Variants in ZNF93 observed in about 807,000 individuals in gnomAD.
ZNF93 encodes the protein zinc finger protein 93.
In ZNF93, 29 loss-of-function variants were observed where a neutral mutation model predicts 45.0. The observed-to-expected ratio is 0.64, with a 90% CI of 0.48 to 0.88. The LOEUF is 0.88. Ranked by LOEUF, ZNF93 falls within the 40% of genes least tolerant of loss-of-function variation. ZNF93 has a pLI of 0.00. For missense variants in ZNF93, 578 were observed against 724.0 expected, an observed-to-expected ratio of 0.80 and a Z score of 2.31; for synonymous variants, 223 against 244.6, an observed-to-expected ratio of 0.91 and a Z score of 0.82.
Position 19,934,033 on chromosome 19 carries a change from G to T in ZNF93, c.1078G>T (p.Glu360Ter), listed in dbSNP as rs2063384014. 6.2e-7 allele frequency: 1 copy of T among 1,612,068 alleles called. No homozygotes were observed. Among genetic ancestry groups the T allele is most frequent in the Non-Finnish European group, 8.5e-7 (1 of 1,179,406 alleles). The change falls in exon 4 of 4, where the codon GAG (glutamate) becomes TAG (stop). Residue 360 changes from glutamate (E) to a stop codon, truncating the protein, a stop_gained. Transcript: ENST00000343769. LOFTEE classifies it high-confidence loss of function. ...TGCATCCTCAACCCTTAGTAGACATGAGTTCATTCATATGGGAAAGAAACA... is the reference window on the plus strand; with the variant it reads ...TGCATCCTCAACCCTTAGTAGACATTAGTTCATTCATATGGGAAAGAAACA... Reference protein sequence around the residue: ...FIASSTLSRHEFIHMGKKHYK... With the variant: ...FIASSTLSRH
At chr19:19,926,404 T>C (rs1023507493) in intron 3 of ZNF93, among the ~76,000 whole-genome samples, 6 of 147,462 alleles carry the variant, frequency 4.1e-5, no homozygotes, top group Non-Finnish European at 7.5e-5. Flanking sequence ...TTGTGATACA[T>C]CAATGTTGCA....
chr19:19,935,184 CT>C lies in ZNF93; in HGVS notation c.*367del, dbSNP rs1254602162. 7 of 221,920 alleles carry C rather than the reference CT, an allele frequency of 3.2e-5. No homozygotes were observed. Among genetic ancestry groups the C allele is most frequent in the African/African-American group, 6.9e-5 (3 of 43,356 alleles). 13.7% of individuals were successfully genotyped at this position (221,920 alleles called of 1,614,324 possible). Reference sequence around the variant, plus strand: ...CAAGGCCCACCATATGCAGACCTGACTGCCAAAACATGCCCTAGTGTCTGCC... The same window carrying C: ...CAAGGCCCACCATATGCAGACCTGACGCCAAAACATGCCCTAGTGTCTGCC... On this transcript the variant is annotated 3_prime_UTR_variant, in exon 4 of 4. Transcript: ENST00000343769.
rs76391144 is a variant in ZNF93 at position 19,912,324 on chromosome 19, C to T, written c.4-2956C>T. On this transcript the variant is annotated intron_variant, in intron 1 of 3. Transcript: ENST00000343769. ...ACCCTGCCCCAGACGTGTTCAGATT[C>T]ATCCTTTTTGGAGACCTTAGTTAGG... 1.1e-4 allele frequency among the ~76,000 whole-genome samples: 17 copies of T among 152,252 alleles called. No homozygotes were observed. In the East Asian group the frequency reaches 2.7e-3, roughly 24 times the overall value.
At chr19:19,911,181 G>A (rs1428398182) in intron 1 of ZNF93, among the ~76,000 whole-genome samples, 1 of 152,160 alleles carries the variant, frequency 6.6e-6, no homozygotes, top group Admixed American at 6.5e-5. Flanking sequence ...CCAGGTTCTG[G>A]AGCTCCACCA....
At chr19:19,905,214 T>C (rs1008989739) in intron 1 of ZNF93, among the ~76,000 whole-genome samples, 2 of 152,134 alleles carry the variant, frequency 1.3e-5, no homozygotes, top group East Asian at 3.9e-4. Flanking sequence ...TTTTTTTTTT[T>C]CTTTTAGCTT....
chr19:19,931,434 G>A (rs546789281), intron 3 of ZNF93, among the ~76,000 whole-genome samples: 4 of 152,074 alleles, frequency 2.6e-5, no homozygotes, highest in African/African-American at 9.6e-5. Flanking sequence ...CAGGTGATCT[G>A]CCTGCCTCAG....
intron 3 of ZNF93, chr19:19,932,432 A>T (rs1343890305): frequency 6.6e-6 from 1 of 152,202 alleles, no homozygotes; most frequent in Non-Finnish European, 1.5e-5. Flanking sequence ...TAACTGCTTT[A>T]TATATCTCAT....
Position 19,915,304 on chromosome 19 carries a change from G to A in ZNF93, c.28G>A (p.Ala10Thr). 4 of 1,613,972 alleles carry A rather than the reference G, an allele frequency of 2.5e-6. No homozygotes were observed. The highest frequency in any genetic ancestry group is 3.4e-6 in the Non-Finnish European group (4 of 1,179,934). The change falls in exon 2 of 4, where the codon GCC (alanine) becomes ACC (threonine). Residue 10 changes from alanine to threonine, a missense_variant. Physicochemically the swap from Ala to Thr is moderately conservative, Grantham distance 58 (BLOSUM62 0). Around this residue, in one of 3 missense-constraint regions of ZNF93, gnomAD observed 446 missense variants for 547.6 expected, o/e 0.81. Transcript: ENST00000343769. The part of the protein sequence containing the change: MGPLQFRDV[A>T]IEFSLEEWHC... Reference sequence around the variant, plus strand: ...GGGACCATTGCAATTTAGAGATGTGGCCATAGAATTCTCTCTGGAGGAGTG... The same window carrying A: ...GGGACCATTGCAATTTAGAGATGTGACCATAGAATTCTCTCTGGAGGAGTG...
At chr19:19,917,519 T>C (rs754450577) in intron 3 of ZNF93, among the ~76,000 whole-genome samples, 4 of 152,204 alleles carry the variant, frequency 2.6e-5, no homozygotes, top group Non-Finnish European at 5.9e-5. Flanking sequence ...ACCATTCATA[T>C]ACTTGTGTGT....
intron 3 of ZNF93, among the ~76,000 whole-genome samples, chr19:19,918,124 C>T (rs546612859): frequency 1.3e-5 from 2 of 151,860 alleles, no homozygotes; most frequent in South Asian, 4.2e-4. Flanking sequence ...CAACAGGCCC[C>T]AGTGTGTGAT....
At chr19:19,911,120 G>A (rs903168938) in intron 1 of ZNF93, among the ~76,000 whole-genome samples, 13 of 152,190 alleles carry the variant, frequency 8.5e-5, no homozygotes, top group Admixed American at 6.5e-4. Flanking sequence ...CTAGAGTAGA[G>A]TATTTTTGAT....
intron 1 of ZNF93, among the ~76,000 whole-genome samples, chr19:19,911,372 C>T (rs1001527622): frequency 2.6e-5 from 4 of 152,200 alleles, no homozygotes; most frequent in Non-Finnish European, 4.4e-5. Context: ...GCTTCTGTCT[C>T]AGTGTAAGAG....
intron 3 of ZNF93, among the ~76,000 whole-genome samples, chr19:19,924,574 C>T (rs2063350980): frequency 2.1e-5 from 3 of 143,180 alleles, no homozygotes; most frequent in Non-Finnish European, 4.4e-5. Context: ...GTGTGGGTTT[C>T]TTTTTTTCTT....
At chr19:19,905,341 T>C (rs192503453) in intron 1 of ZNF93, among the ~76,000 whole-genome samples, 129 of 152,018 alleles carry the variant, frequency 8.5e-4, no homozygotes, top group Non-Finnish European at 1.7e-3. Flanking sequence ...CAAACAGGTA[T>C]ATTTTCTGAT....
chr19:19,924,978 C>T (rs749673113), intron 3 of ZNF93, among the ~76,000 whole-genome samples: 2 of 152,170 alleles, frequency 1.3e-5, no homozygotes, highest in Admixed American at 6.5e-5. Context: ...CTTCAGGGAA[C>T]GCAGTAAAAG....
In ZNF93 at chr19:19,933,303, G is replaced by A. The variant is rs989920923; in HGVS notation, c.348G>A (p.Arg116=). Residue 116 remains arginine, a synonymous_variant, in exon 4 of 4, where the codon AGG becomes AGA. Coordinates refer to ENST00000343769, the MANE Select transcript of ZNF93 (RefSeq NM_031218.4). ...ATGGAAATTTACAGTTAATAAAAAG[G>A]TGTGAAAGTGTAGATGAGTGTAAGG... The part of the protein sequence containing the change: ...RGHGNLQLIK[R]CESVDECKVH... 1.2e-6 allele frequency: 2 copies of A among 1,611,298 alleles called. No homozygotes were observed. The highest frequency in any genetic ancestry group is 2.7e-5 in the African/African-American group (2 of 74,638).
chr19:19,916,972 A>T (rs2063326163), intron 3 of ZNF93, among the ~76,000 whole-genome samples: 1 of 152,084 alleles, frequency 6.6e-6, no homozygotes, highest in African/African-American at 2.4e-5. Context: ...TCTTTTGGGG[A>T]CACAAAAATA....
chr19:19,910,395 C>G (rs2063304454), intron 1 of ZNF93, among the ~76,000 whole-genome samples: 1 of 152,184 alleles, frequency 6.6e-6, no homozygotes, highest in South Asian at 2.1e-4. Flanking sequence ...ACATTAGACA[C>G]TATATCCCAT....
chr19:19,930,964 A>G (rs1303182652), intron 3 of ZNF93, among the ~76,000 whole-genome samples: 1 of 151,948 alleles, frequency 6.6e-6, no homozygotes, highest in Non-Finnish European at 1.5e-5. Context: ...TATTATGTCT[A>G]ATATAATTAT....
Sources: gnomAD v4.1 joint callset for allele counts (sites outside exome capture counted in the v4.1 genomes callset) on GRCh38, gnomAD v4.1.1 for gene constraint, gnomAD v4.1.1 regional missense constraint, MANE v1.5 for transcripts, NCBI Gene and HGNC (gene_info 2026-07-23, HGNC 2026-07-21) for gene names.